Variants in MYT1L observed in about 807,000 individuals in gnomAD.
MYT1L encodes the protein myelin transcription factor 1-like protein.
A neutral mutation model predicts 126.7 loss-of-function variants in MYT1L; 12 were observed. The observed-to-expected ratio is 0.09, with a 90% CI of 0.06 to 0.15. MYT1L has a LOEUF of 0.15. Ranked by LOEUF, MYT1L falls within the 10% of genes least tolerant of loss-of-function variation. The pLI, the probability that MYT1L is intolerant of heterozygous loss-of-function variation, is 1.00. For missense variants in MYT1L, 979 were observed against 1,585.2 expected, an observed-to-expected ratio of 0.62 and a Z score of 6.49; for synonymous variants, 541 against 604.2, an observed-to-expected ratio of 0.90 and a Z score of 1.53.
chr2:2,074,504 C>G, intron 3 of MYT1L, among the ~76,000 whole-genome samples: 1 of 152,020 alleles, frequency 6.6e-6, no homozygotes, highest in East Asian at 1.9e-4. Context: ...TATCAATTTA[C>G]AGAATTAAAA....
At chr2:1,805,417 G>T (rs1177548560) in intron 22 of MYT1L, among the ~76,000 whole-genome samples, 1 of 152,140 alleles carries the variant, frequency 6.6e-6, no homozygotes, top group Non-Finnish European at 1.5e-5. Context: ...TACACTGAAG[G>T]TATAAAAATG....
In MYT1L at chr2:2,228,813, G is replaced by C. The variant is rs1344652114; in HGVS notation, c.-421+55591C>G. ...TAGGTTGCTTCTTTTCAAGGTAACA[G>C]GGAAGTATTGATTATTTGCCCAGCC... On this transcript the variant is annotated intron_variant, in intron 2 of 24. Coordinates refer to ENST00000647738, the MANE Select transcript of MYT1L (RefSeq NM_001303052.2). The surrounding 1 kb of genome is among the most constrained non-coding windows in gnomAD (Gnocchi z 5.9). Among the ~76,000 whole-genome samples the C allele has an allele frequency of 6.6e-6, 1 of 152,106 alleles. No individual in the cohort carries two copies. The highest frequency in any genetic ancestry group is 1.5e-5 in the Non-Finnish European group (1 of 68,020).
chr2:2,108,619 A>G (rs2079029407), intron 3 of MYT1L, among the ~76,000 whole-genome samples: 1 of 152,222 alleles, frequency 6.6e-6, no homozygotes, highest in Non-Finnish European at 1.5e-5. Context: ...AGGCATTAGA[A>G]ATCAGCATTG....
intron 18 of MYT1L, among the ~76,000 whole-genome samples, chr2:1,882,887 T>C (rs2047738439): frequency 6.6e-6 from 1 of 152,222 alleles, no homozygotes; most frequent in Non-Finnish European, 1.5e-5. Context: ...TTCAAAATGT[T>C]AATTCTTTGA....
chr2:2,033,809 G>C (rs2066691421), intron 4 of MYT1L, among the ~76,000 whole-genome samples: 1 of 152,164 alleles, frequency 6.6e-6, no homozygotes, highest in African/African-American at 2.4e-5. Context: ...CGGCCCCTGG[G>C]GACAGGATGG....
At chr2:2,173,644 T>C (rs959339244) in intron 2 of MYT1L, among the ~76,000 whole-genome samples, 3 of 152,246 alleles carry the variant, frequency 2.0e-5, no homozygotes, top group Non-Finnish European at 4.4e-5. Context: ...AGAGAATTTA[T>C]TTTGTTAAAC....
intron 18 of MYT1L, among the ~76,000 whole-genome samples, chr2:1,868,201 G>A (rs2045843884): frequency 6.6e-6 from 1 of 152,180 alleles, no homozygotes; most frequent in Non-Finnish European, 1.5e-5. Flanking sequence ...GACCTCAGGT[G>A]ATCTGCCCGC....
chr2:1,979,283 A>G lies in MYT1L; in HGVS notation c.90-56T>C, dbSNP rs1381811883. 3.3e-6 allele frequency: 5 copies of G among 1,497,888 alleles called. No homozygotes were observed. Among genetic ancestry groups the G allele is most frequent in the Admixed American group, 1.7e-5 (1 of 57,886 alleles). The allele number at this position is 1,497,888 out of a possible 1,614,324, so 92.8% of individuals were successfully genotyped here. On this transcript the variant is annotated intron_variant, in intron 7 of 24. Coordinates refer to ENST00000647738, the MANE Select transcript of MYT1L (RefSeq NM_001303052.2). This position sits in a 1 kb window ranked among gnomAD's most constrained non-coding sequence, Gnocchi z 4.0. ...CCGCAGGCAGGCAGGTGAGACGGAA[A>G]GCTTCCGTGGCAGCAGAGAGAAGGA...
At chr2:2,146,168 AAAT>A (rs2148240372) in intron 3 of MYT1L, among the ~76,000 whole-genome samples, 1 of 152,370 alleles carries the variant, frequency 6.6e-6, no homozygotes, top group South Asian at 2.1e-4. Context: ...ATATTTTTTC[AAAT>A]AATGTTTACA....
Position 1,922,137 on chromosome 2 carries a change from T to C in MYT1L, c.1483+149A>G. On this transcript the variant is annotated intron_variant, in intron 10 of 24. Transcript: ENST00000647738. This position sits in a 1 kb window ranked among gnomAD's most constrained non-coding sequence, Gnocchi z 7.4. ...TTTTATTTGCTTGTCAGAAACGTAATCACAAAATATCCTTCTGGAATCAAC... is the reference window on the plus strand; with the variant it reads ...TTTTATTTGCTTGTCAGAAACGTAACCACAAAATATCCTTCTGGAATCAAC... The C allele has an allele frequency of 1.8e-6, 2 of 1,097,804 alleles. No individual in the cohort carries two copies. The highest frequency in any genetic ancestry group is 2.5e-6 in the Non-Finnish European group (2 of 787,110). 68.0% of individuals were successfully genotyped at this position (1,097,804 alleles called of 1,614,324 possible). A position where few individuals can be genotyped will look rare whatever the true frequency, so the allele number is the denominator to read the frequency against.
intron 3 of MYT1L, among the ~76,000 whole-genome samples, chr2:2,065,707 G>A (rs1438793057): frequency 6.6e-6 from 1 of 152,062 alleles, no homozygotes; most frequent in African/African-American, 2.4e-5. Flanking sequence ...ATTCCAATAT[G>A]ATCATGTGCA....
chr2:1,937,963 C>G (rs1408635821), intron 9 of MYT1L, among the ~76,000 whole-genome samples: 2 of 152,174 alleles, frequency 1.3e-5, no homozygotes, highest in Admixed American at 1.3e-4. Flanking sequence ...CGGATTTAGC[C>G]CCGTGATCAA....
At chr2:2,269,337 C>G (rs1477862912) in intron 2 of MYT1L, among the ~76,000 whole-genome samples, 1 of 152,230 alleles carries the variant, frequency 6.6e-6, no homozygotes, top group Non-Finnish European at 1.5e-5. Context: ...TTACAAAGAC[C>G]TTGTGGCCCT....
chr2:2,147,094 C>T (rs144914577), intron 3 of MYT1L, among the ~76,000 whole-genome samples: 2 of 152,324 alleles, frequency 1.3e-5, no homozygotes, highest in East Asian at 3.9e-4. Context: ...AGCTGAACTC[C>T]AGCTGCTAGC....
chr2:2,252,303 CA>C (rs1254806391), intron 2 of MYT1L, among the ~76,000 whole-genome samples: 1 of 152,200 alleles, frequency 6.6e-6, no homozygotes, highest in Non-Finnish European at 1.5e-5. Flanking sequence ...GCCCATGCTT[CA>C]GGTTCCAGGC....
chr2:2,027,492 G>A (rs146172433), intron 4 of MYT1L, among the ~76,000 whole-genome samples: 16 of 152,174 alleles, frequency 1.1e-4, no homozygotes, highest in Admixed American at 5.9e-4. Flanking sequence ...TGTACTGACC[G>A]GATTCTGGGA....
At chr2:1,891,995 C>T (rs2048945936) in intron 15 of MYT1L, 42 bp downstream of exon 15, 6 of 1,469,336 alleles carry the variant, frequency 4.1e-6, no homozygotes, top group Middle Eastern at 2.1e-4. Flanking sequence ...GGCCCGGCCT[C>T]CCCCACCCGC....
chr2:2,230,160 A>G (rs1249136984), intron 2 of MYT1L, among the ~76,000 whole-genome samples: 1 of 152,206 alleles, frequency 6.6e-6, no homozygotes, highest in African/African-American at 2.4e-5. Context: ...TCTCAACAGG[A>G]AAACATCAGC....
rs1328022241 is a variant in MYT1L, at chr2:2,228,239, G to A, written c.-420-55251C>T. On this transcript the variant is annotated intron_variant, in intron 2 of 24. Coordinates refer to ENST00000647738, the MANE Select transcript of MYT1L (RefSeq NM_001303052.2). The surrounding 1 kb of genome is among the most constrained non-coding windows in gnomAD (Gnocchi z 5.9). ...GTATCAGGTTTGAATATCTGATAAA[G>A]TCATTTAGCTTCATAATTACCTTAA... 1.3e-5 allele frequency among the ~76,000 whole-genome samples: 2 copies of A among 152,162 alleles called. No individual in the cohort carries two copies. The highest frequency in any genetic ancestry group is 6.5e-5 in the Admixed American group (1 of 15,272).
Sources: gnomAD v4.1 joint callset for allele counts (sites outside exome capture counted in the v4.1 genomes callset) on GRCh38, gnomAD v4.1.1 for gene constraint, Gnocchi (gnomAD v3.1) non-coding constraint, MANE v1.5 for transcripts, NCBI Gene and HGNC (gene_info 2026-07-23, HGNC 2026-07-21) for gene names.